THRB: variants seen among roughly 807,000 people sequenced by gnomAD.
THRB encodes nuclear receptor subfamily 1 group A member 2.
A neutral mutation model predicts 47.8 loss-of-function variants in THRB; 12 were observed. The observed-to-expected ratio is 0.25, with a 90% confidence interval of 0.16 to 0.41. The LOEUF (loss-of-function observed/expected upper bound fraction) is 0.41. Among genes scored for constraint, THRB ranks in the 10% least tolerant of loss-of-function variants. The pLI, the probability that THRB is intolerant of heterozygous loss-of-function variation, is 1.00. For missense variants in THRB, 348 were observed against 589.2 expected, an observed-to-expected ratio of 0.59 and a Z score of 4.24; for synonymous variants, 218 against 212.2, an observed-to-expected ratio of 1.03 and a Z score of -0.24.
intron 2 of THRB, among the ~76,000 whole-genome samples, chr3:24,319,296 T>C (rs2058324071): frequency 6.6e-6 from 1 of 152,102 alleles, no homozygotes; most frequent in African/African-American, 2.4e-5. Flanking sequence ...CAAAAGACAG[T>C]CCCAAACTGG....
chr3:24,460,046 C>T (rs1012807286), intron 1 of THRB, among the ~76,000 whole-genome samples: 1 of 152,012 alleles, frequency 6.6e-6, no homozygotes, highest in Non-Finnish European at 1.5e-5. Context: ...TAATGTTTTA[C>T]CTGCTGTCCT....
intron 8 of THRB, among the ~76,000 whole-genome samples, chr3:24,134,703 T>C (rs1022755785): frequency 2.0e-5 from 3 of 152,112 alleles, no homozygotes; most frequent in African/African-American, 7.2e-5. Context: ...AGCCAGCCTC[T>C]CCAGCTGTCT....
intron 3 of THRB, among the ~76,000 whole-genome samples, chr3:24,279,010 A>G (rs2054234058): frequency 6.6e-6 from 1 of 152,038 alleles, no homozygotes; most frequent in African/African-American, 2.4e-5. Context: ...ACGTCCAGCT[A>G]GTTTTTAAAT....
At chr3:24,427,691 T>C (rs969454616) in intron 1 of THRB, among the ~76,000 whole-genome samples, 1 of 152,024 alleles carries the variant, frequency 6.6e-6, no homozygotes, top group African/African-American at 2.4e-5. Flanking sequence ...CTGTAGTACA[T>C]CATATATTGA....
At chr3:24,433,223 C>T (rs2070624173) in intron 1 of THRB, among the ~76,000 whole-genome samples, 1 of 152,068 alleles carries the variant, frequency 6.6e-6, no homozygotes, top group Non-Finnish European at 1.5e-5. Context: ...AAGTCCTAAT[C>T]CCTGGAACCT....
chr3:24,410,461 G>A (rs542606855), intron 1 of THRB, among the ~76,000 whole-genome samples: 119 of 151,914 alleles, frequency 7.8e-4, no homozygotes, highest in Non-Finnish European at 1.3e-3. Context: ...GCTACATTTT[G>A]TATAACACAT....
At chr3:24,356,979 C>T (rs2063715413) in intron 1 of THRB, among the ~76,000 whole-genome samples, 1 of 151,398 alleles carries the variant, frequency 6.6e-6, no homozygotes, top group South Asian at 2.1e-4. Flanking sequence ...ATAAATTATT[C>T]TTTGGCAATA....
intron 5 of THRB, among the ~76,000 whole-genome samples, chr3:24,163,112 A>G (rs914235972): frequency 2.6e-5 from 4 of 152,176 alleles, no homozygotes; most frequent in African/African-American, 9.6e-5. Context: ...AACACAACAA[A>G]AATCAATAGT....
At chr3:24,393,739 C>T (rs2066750825) in intron 1 of THRB, among the ~76,000 whole-genome samples, 1 of 152,032 alleles carries the variant, frequency 6.6e-6, no homozygotes, top group African/African-American at 2.4e-5. Context: ...GCAGGAAGAC[C>T]CCAAAAGGTG....
At position 24,307,794 on chromosome 3, in the gene THRB, T is replaced by C. The variant is rs367861964; in HGVS notation, c.-188-10423A>G. On this transcript the variant is annotated intron_variant, in intron 2 of 10. Coordinates refer to ENST00000646209, the MANE Select transcript of THRB (RefSeq NM_001354712.2). ...GTCCTTCAAGAATTTCCCTGTGACT[T>C]TGCTCTGTCCATACTCAAAGATTTC... 2.3e-4 allele frequency among the ~76,000 whole-genome samples: 35 copies of C among 152,340 alleles called. 1 individual carries two copies. In the South Asian group the frequency reaches 6.0e-3, roughly 26 times the overall value.
intron 9 of THRB, among the ~76,000 whole-genome samples, chr3:24,131,181 T>G (rs1309964770): frequency 6.6e-6 from 1 of 152,218 alleles, no homozygotes; most frequent in Non-Finnish European, 1.5e-5. Flanking sequence ...TGTTTTATAC[T>G]TCATATATAT....
At chr3:24,130,567 G>A (rs2148867071) in intron 9 of THRB, among the ~76,000 whole-genome samples, 1 of 152,248 alleles carries the variant, frequency 6.6e-6, no homozygotes, top group African/African-American at 2.4e-5. Flanking sequence ...GGGGCAAAGG[G>A]ACACAGCCAG....
rs116353739 is a variant in THRB, at chr3:24,212,791, C to T, written c.22+16147G>A. Among the ~76,000 whole-genome samples, 536 of 152,182 alleles carry T rather than the reference C, an allele frequency of 3.5e-3. 5 individuals are homozygous for T. Among genetic ancestry groups the T allele is most frequent in the African/African-American group, 0.012 (503 of 41,514 alleles). On this transcript the variant is annotated intron_variant, in intron 4 of 10. Coordinates refer to ENST00000646209, the MANE Select transcript of THRB (RefSeq NM_001354712.2). Reference sequence around the variant, plus strand: ...AGAAAGCTGGGTGAAGGTAAATAGCCCTCATCTAGATGAAGCGACCTCCTC... The same window carrying T: ...AGAAAGCTGGGTGAAGGTAAATAGCTCTCATCTAGATGAAGCGACCTCCTC...
chr3:24,178,076 T>C (rs1001530290), intron 5 of THRB, among the ~76,000 whole-genome samples: 2 of 152,114 alleles, frequency 1.3e-5, no homozygotes, highest in African/African-American at 2.4e-5. Context: ...CAAGTAACTT[T>C]TTCTTCTGAC....
chr3:24,235,572 G>C (rs1223644057), intron 3 of THRB, among the ~76,000 whole-genome samples: 1 of 152,080 alleles, frequency 6.6e-6, no homozygotes, highest in Non-Finnish European at 1.5e-5. Context: ...ACTTCAGCAG[G>C]TGCTTCATGG....
At chr3:24,448,208 C>T (rs747794700) in intron 1 of THRB, among the ~76,000 whole-genome samples, 2 of 151,804 alleles carry the variant, frequency 1.3e-5, no homozygotes, top group African/African-American at 4.8e-5. Context: ...TTTTCACTGG[C>T]GATTTATCAT....
intron 2 of THRB, among the ~76,000 whole-genome samples, chr3:24,302,316 C>T (rs1005705119): frequency 6.6e-6 from 1 of 152,058 alleles, no homozygotes; most frequent in Non-Finnish European, 1.5e-5. Flanking sequence ...GACAAGTTAG[C>T]CTCTGTTCTT....
chr3:24,178,249 T>C (rs1188539677), intron 5 of THRB, among the ~76,000 whole-genome samples: 13 of 152,222 alleles, frequency 8.5e-5, no homozygotes. Context: ...CTGCATCATA[T>C]AATTAAATTC....
intron 1 of THRB, among the ~76,000 whole-genome samples, chr3:24,370,356 C>G (rs1020263010): frequency 1.3e-5 from 2 of 151,988 alleles, no homozygotes; most frequent in African/African-American, 2.4e-5. Flanking sequence ...GGCATACTCC[C>G]TTACTTCATA....
Sources: allele counts gnomAD v4.1 joint callset (sites outside exome capture counted in the v4.1 genomes callset), GRCh38; gene constraint gnomAD v4.1.1; transcripts MANE v1.5; gene names NCBI Gene and HGNC (gene_info 2026-07-23, HGNC 2026-07-21).